The following TMEM116 variants were observed in gnomAD, a reference collection of about 807,000 sequenced individuals.
The protein encoded by TMEM116 is transmembrane protein 116.
Under a neutral mutation model 44.3 loss-of-function variants are expected in TMEM116, and 38 were observed. The ratio of observed to expected loss-of-function variants is 0.86; its 90% CI spans 0.66 to 1.12. The LOEUF (loss-of-function observed/expected upper bound fraction) is 1.12, where lower values mean the gene tolerates loss of function less well. Among genes scored for constraint, TMEM116 ranks in the 50% most tolerant of loss-of-function variants. The probability of loss-of-function intolerance (pLI) is 0.00; values close to 1 mark genes in which losing one functional copy is unlikely to be tolerated. For synonymous variants in TMEM116, 132 were observed against 144.8 expected (o/e 0.91, Z 0.64); for missense variants, 354 against 401.7 (o/e 0.88, Z 1.01).
At chr12:111,942,542 G>A (rs1289746205) in intron 5 of TMEM116, among the ~76,000 whole-genome samples, 1 of 152,194 alleles carries the variant, frequency 6.6e-6, no homozygotes, top group Non-Finnish European at 1.5e-5. Flanking sequence ...TAAGTGCTGA[G>A]ATTATAGGCA....
At chr12:111,979,776 A>C (rs1370055363) in intron 4 of TMEM116, among the ~76,000 whole-genome samples, 1 of 152,220 alleles carries the variant, frequency 6.6e-6, no homozygotes, top group East Asian at 1.9e-4. Context: ...AACAATAAGA[A>C]AACAAAATAT....
intron 4 of TMEM116, among the ~76,000 whole-genome samples, chr12:111,960,261 G>A (rs146899059): frequency 0.015 from 2,350 of 151,970 alleles, 70 homozygotes; most frequent in African/African-American, 0.053. Flanking sequence ...AGGCTGAGGC[G>A]GGTAGATCAC....
chr12:111,939,880 C>CTGTGTGTGTGTGTG lies in TMEM116; in HGVS notation c.316-1684_316-1671dup, dbSNP rs61322648. ...AAGAAGAAAAAGTATCTTCAAAGCT[C>CTGTGTGTGTGTGTG]TGTGTGTGTGTGTGTGTGTGTGTGT... On this transcript the variant is annotated intron_variant, in intron 5 of 10. Coordinates refer to ENST00000552374, the MANE Select transcript of TMEM116 (RefSeq NM_001193531.2). Among the ~76,000 whole-genome samples the CTGTGTGTGTGTGTG allele has an allele frequency of 2.6e-3, 338 of 130,452 alleles. 1 individual carries two copies. The highest frequency in any genetic ancestry group is 3.8e-3 in the Middle Eastern group (1 of 264). 85.6% of individuals were successfully genotyped at this position (130,452 alleles called of 152,430 possible).
chr12:111,955,806 T>C (rs984499848), intron 4 of TMEM116, among the ~76,000 whole-genome samples: 7 of 152,224 alleles, frequency 4.6e-5, no homozygotes, highest in African/African-American at 1.2e-4. Flanking sequence ...ATGCTTACCA[T>C]TGTGTTACAA....
chr12:111,941,374 CAAA>C (rs539600816), intron 5 of TMEM116, among the ~76,000 whole-genome samples: 5 of 60,366 alleles, frequency 8.3e-5, no homozygotes, highest in Non-Finnish European at 7.0e-5. Flanking sequence ...GATTCCATCT[CAAA>C]AAAAAAAAAA....
At chr12:111,984,269 A>C (rs907173679) in intron 4 of TMEM116, among the ~76,000 whole-genome samples, 1 of 152,208 alleles carries the variant, frequency 6.6e-6, no homozygotes, top group East Asian at 1.9e-4. Context: ...ATTTGCAACA[A>C]CATAGATGGA....
intron 5 of TMEM116, among the ~76,000 whole-genome samples, chr12:111,940,527 A>ATATATATATATACACACACATATATATG (rs2072687382): frequency 8.9e-6 from 1 of 112,642 alleles, no homozygotes. Context: ...ATATGTGTAT[A>ATATATATATATACACACACATATATATG]TATATATATA....
intron 5 of TMEM116, among the ~76,000 whole-genome samples, chr12:111,941,162 G>A (rs1477998883): frequency 6.6e-6 from 1 of 152,082 alleles, no homozygotes; most frequent in African/African-American, 2.4e-5. Context: ...CAAATCACGA[G>A]GTCAGAAGAT....
chr12:111,957,588 C>A (rs1330903498), intron 4 of TMEM116, among the ~76,000 whole-genome samples: 1 of 151,338 alleles, frequency 6.6e-6, no homozygotes, highest in Non-Finnish European at 1.5e-5. Context: ...GGGGCCAGCC[C>A]CCGCCCGGCC....
intron 5 of TMEM116, among the ~76,000 whole-genome samples, chr12:111,940,581 A>G (rs2072729762): frequency 1.4e-5 from 2 of 146,858 alleles, no homozygotes; most frequent in African/African-American, 5.0e-5. Context: ...ATATATATAT[A>G]TATCTTCGGC....
rs766779136 is a variant in TMEM116, at chr12:111,938,192, G to A, written c.334C>T (p.Arg112Ter). ...AAAACAAAGGCCATTTGACAAACTCGACAAGTATAATCTATCACCTGTGAA... is the reference window on the plus strand; with the variant it reads ...AAAACAAAGGCCATTTGACAAACTCAACAAGTATAATCTATCACCTGTGAA... ...TSPLVIDYTC[R>*]VCQMAFVFSS... Residue 112 changes from arginine (R) to a stop codon, truncating the protein, a stop_gained, in exon 6 of 11, where the codon CGA (arginine) becomes TGA (stop). Coordinates refer to ENST00000552374, the MANE Select transcript of TMEM116 (RefSeq NM_001193531.2). LOFTEE classifies it high-confidence loss of function. 3.0e-5 allele frequency: 48 copies of A among 1,594,282 alleles called. No individual in the cohort carries two copies. Among genetic ancestry groups the A allele is most frequent in the Admixed American group, 1.6e-4 (9 of 56,736 alleles).
chr12:111,951,762 T>C (rs1474105176), intron 4 of TMEM116, among the ~76,000 whole-genome samples: 1 of 151,826 alleles, frequency 6.6e-6, no homozygotes, highest in Non-Finnish European at 1.5e-5. Context: ...CAAACCCCCA[T>C]GACACAAGTT....
intron 3 of TMEM116, among the ~76,000 whole-genome samples, chr12:111,994,216 T>C (rs947133063): frequency 6.6e-6 from 1 of 152,098 alleles, no homozygotes; most frequent in African/African-American, 2.4e-5. Flanking sequence ...AAATTTACTA[T>C]TGAAATAAAC....
intron 4 of TMEM116, among the ~76,000 whole-genome samples, chr12:111,954,017 CTAGTT>C (rs1213319798): frequency 2.0e-5 from 3 of 152,034 alleles, no homozygotes; most frequent in Admixed American, 1.3e-4. Context: ...AGTATTAACC[CTAGTT>C]TAATGTTTAA....
intron 4 of TMEM116, 121 bp downstream of exon 4, chr12:111,991,637 T>C: frequency 1.0e-6 from 1 of 980,990 alleles, no homozygotes; most frequent in Non-Finnish European, 1.4e-6. Context: ...TAAAAGCTAT[T>C]GTTTCAAAAT....
At chr12:111,982,369 C>T (rs192906637) in intron 4 of TMEM116, among the ~76,000 whole-genome samples, 3 of 148,810 alleles carry the variant, frequency 2.0e-5, no homozygotes, top group Admixed American at 1.3e-4. Context: ...GGTGTGATCT[C>T]GGCTCACTGA....
chr12:112,002,029 C>G lies in TMEM116; in HGVS notation c.78+1771G>C, dbSNP rs147148784. On this transcript the variant is annotated intron_variant, in intron 3 of 10. Transcript: ENST00000552374. ...CAGTTTCCTTGTCTGCAATATCAGA[C>G]TAATAATATCCATCTCAAAGTTTTT... Among the ~76,000 whole-genome samples, 108 of 152,224 alleles carry G rather than the reference C, an allele frequency of 7.1e-4. 1 individual carries two copies. In the East Asian group the frequency reaches 0.018, roughly 26 times the overall value.
At chr12:112,008,437 G>GCA (rs1156369336) in intron 1 of TMEM116, among the ~76,000 whole-genome samples, 1 of 150,940 alleles carries the variant, frequency 6.6e-6, no homozygotes, top group Admixed American at 6.6e-5. Flanking sequence ...CCAAGATCAT[G>GCA]CCACTGCACT....
intron 2 of TMEM116, 59 bp from the exon 3 acceptor site, chr12:112,003,922 T>C: frequency 7.0e-7 from 1 of 1,425,912 alleles, no homozygotes; most frequent in Non-Finnish European, 9.1e-7. Flanking sequence ...CCATCGTTTT[T>C]GTTATTAATT....
Sources: allele counts gnomAD v4.1 joint callset (sites outside exome capture counted in the v4.1 genomes callset), GRCh38; gene constraint gnomAD v4.1.1; transcripts MANE v1.5; gene names NCBI Gene and HGNC (gene_info 2026-07-23, HGNC 2026-07-21).